The following SLC14A2 variants were observed in gnomAD, a reference collection of about 807,000 sequenced individuals.
SLC14A2 encodes solute carrier family 14 member 2, also known as urea transporter 2.
Under a neutral mutation model 104.6 loss-of-function variants are expected in SLC14A2, and 91 were observed. The ratio of observed to expected loss-of-function variants is 0.87; its 90% CI spans 0.73 to 1.04. The LOEUF (loss-of-function observed/expected upper bound fraction) is 1.04. Among genes scored for constraint, SLC14A2 ranks in the 50% least tolerant of loss-of-function variants. SLC14A2 has a pLI of 0.00. For synonymous variants in SLC14A2, 476 were observed against 466.4 expected (o/e 1.02, Z -0.27); for missense variants, 1,189 against 1,156.0 (o/e 1.03, Z -0.41).
chr18:45,192,260 G>A, the SLC14A2 span, among the ~76,000 whole-genome samples: 1 of 152,128 alleles, frequency 6.6e-6, no homozygotes, highest in Non-Finnish European at 1.5e-5. Context: ...CAGTTTTATG[G>A]AAGCCTAATT....
chr18:45,456,288 G>A (rs1273920272), intron 1 of SLC14A2, among the ~76,000 whole-genome samples: 1 of 152,184 alleles, frequency 6.6e-6, no homozygotes, highest in Non-Finnish European at 1.5e-5. Context: ...TCATAACTCA[G>A]AGCAGCACCA....
chr18:45,299,576 C>G (rs1228558973), intron 1 of SLC14A2, among the ~76,000 whole-genome samples: 2 of 152,224 alleles, frequency 1.3e-5, no homozygotes, highest in Non-Finnish European at 2.9e-5. Context: ...ATTCTCCTGC[C>G]TCAGTCTCCC....
intron 1 of SLC14A2, among the ~76,000 whole-genome samples, chr18:45,419,502 G>C (rs2030936148): frequency 6.6e-6 from 1 of 152,218 alleles, no homozygotes; most frequent in Admixed American, 6.5e-5. Flanking sequence ...GGTCGGGCGT[G>C]GTGGCTCATG....
At chr18:45,653,453 C>G (rs2045774647) in intron 10 of SLC14A2, among the ~76,000 whole-genome samples, 1 of 152,112 alleles carries the variant, frequency 6.6e-6, no homozygotes, top group African/African-American at 2.4e-5. Context: ...CTGCCTCACA[C>G]CCCACCACTG....
chr18:45,518,397 C>CTTCA (rs10589715), intron 2 of SLC14A2, among the ~76,000 whole-genome samples: 17,385 of 151,442 alleles, frequency 0.11, 1,678 homozygotes, highest in African/African-American at 0.26. Context: ...TAGCATTTGT[C>CTTCA]TTCATTCATT....
Position 45,453,794 on chromosome 18 carries a change from C to T in SLC14A2, c.-124-29439C>T, listed in dbSNP as rs530249406. 5.7e-4 allele frequency among the ~76,000 whole-genome samples: 86 copies of T among 151,558 alleles called. 4 individuals are homozygous for T. Among genetic ancestry groups the T allele is most frequent in the Non-Finnish European group, 1.5e-4 (10 of 67,918 alleles). Reference sequence around the variant, plus strand: ...AGTGCCTCCCTTACTGAAACCTGCCCTCTCCCTCAACCAAAATTCCCATAG... The same window carrying T: ...AGTGCCTCCCTTACTGAAACCTGCCTTCTCCCTCAACCAAAATTCCCATAG... On this transcript the variant is annotated intron_variant, in intron 1 of 20. Transcript: ENST00000586448.
At chr18:45,412,606 A>C (rs1387713362) in intron 1 of SLC14A2, among the ~76,000 whole-genome samples, 1 of 151,996 alleles carries the variant, frequency 6.6e-6, no homozygotes, top group Non-Finnish European at 1.5e-5. Context: ...TGCCATGAGG[A>C]CCCCTTCTCT....
chr18:45,540,569 C>T lies in SLC14A2; in HGVS notation c.-35+57247C>T, dbSNP rs1394998931. On this transcript the variant is annotated intron_variant, in intron 2 of 20. Coordinates refer to the SLC14A2 transcript ENST00000586448. The stretch of plus-strand genomic sequence containing the variant: ...ACCGACCTGGCCAACATTGTGAGAC[C>T]TCATCTCTACTAAAAATACAAAAAA... Among the ~76,000 whole-genome samples, 4 of 151,982 alleles carry T rather than the reference C, an allele frequency of 2.6e-5. No homozygotes were observed. The East Asian group carries it at 7.7e-4, about 29-fold the overall frequency.
upstream of SLC14A2, among the ~76,000 whole-genome samples, chr18:45,613,764 C>T (rs1568298661): frequency 6.6e-6 from 1 of 152,176 alleles, no homozygotes; most frequent in Non-Finnish European, 1.5e-5. Flanking sequence ...AAGAGGTGAC[C>T]TCGGTGCTCT....
intron 2 of SLC14A2, among the ~76,000 whole-genome samples, chr18:45,517,123 G>A (rs550872067): frequency 8.5e-5 from 13 of 152,290 alleles, no homozygotes; most frequent in Non-Finnish European, 1.3e-4. Context: ...ACAACTCACC[G>A]AAGGACACAG....
At chr18:45,487,735 C>A (rs188800853) in intron 2 of SLC14A2, among the ~76,000 whole-genome samples, 1 of 152,234 alleles carries the variant, frequency 6.6e-6, no homozygotes, top group Admixed American at 6.5e-5. Context: ...GTCCAGCTGA[C>A]CCCTTGGGGA....
At chr18:45,541,604 C>G (rs899863973) in intron 2 of SLC14A2, among the ~76,000 whole-genome samples, 2 of 152,222 alleles carry the variant, frequency 1.3e-5, no homozygotes, top group African/African-American at 2.4e-5. Context: ...TAAAATGTAA[C>G]TAGGAAGATA....
chr18:45,306,106 C>T (rs2085018656), intron 1 of SLC14A2, among the ~76,000 whole-genome samples: 1 of 152,084 alleles, frequency 6.6e-6, no homozygotes, highest in Non-Finnish European at 1.5e-5. Flanking sequence ...CCGTCTACTC[C>T]CTTATCAGTA....
chr18:45,587,833 C>T (rs376489476), intron 2 of SLC14A2, among the ~76,000 whole-genome samples: 17 of 152,046 alleles, frequency 1.1e-4, no homozygotes, highest in Non-Finnish European at 2.1e-4. Context: ...TCTGCTATAT[C>T]GGTGTTGAAA....
chr18:45,235,835 GTA>G lies in SLC14A2; in HGVS notation c.-125+22654_-125+22655del, dbSNP rs144101578. On this transcript the variant is annotated intron_variant, in intron 1 of 20. Transcript: ENST00000586448. Reference sequence around the variant, plus strand: ...TGTGTATATATATATATATATACGTGTATATATATATGTATATATACATATAT... The same window carrying G: ...TGTGTATATATATATATATATACGTGTATATATATGTATATATACATATAT... Among the ~76,000 whole-genome samples, 834 of 97,330 alleles carry G rather than the reference GTA, an allele frequency of 8.6e-3. 127 individuals are homozygous for G. The highest frequency in any genetic ancestry group is 0.012 in the Non-Finnish European group (582 of 48,970). The allele number at this position is 97,330 out of a possible 152,430, so 63.9% of individuals were successfully genotyped here.
intron 1 of SLC14A2, among the ~76,000 whole-genome samples, chr18:45,331,153 C>T (rs960931000): frequency 3.9e-5 from 6 of 152,162 alleles, no homozygotes; most frequent in Admixed American, 2.6e-4. Flanking sequence ...AGTACTGCAT[C>T]GATGTTCAGG....
intron 1 of SLC14A2, among the ~76,000 whole-genome samples, chr18:45,217,709 T>C (rs1021047979): frequency 1.3e-5 from 2 of 152,220 alleles, no homozygotes; most frequent in African/African-American, 4.8e-5. Context: ...ATTTTGTGTT[T>C]TATATTTCTG....
intron 1 of SLC14A2, among the ~76,000 whole-genome samples, chr18:45,249,610 TC>T (rs2084401993): frequency 6.6e-6 from 1 of 152,178 alleles, no homozygotes; most frequent in East Asian, 1.9e-4. Flanking sequence ...TCTCCTTACA[TC>T]CAGGCACAAC....
At chr18:45,353,012 G>T (rs1325335257) in intron 1 of SLC14A2, among the ~76,000 whole-genome samples, 1 of 152,172 alleles carries the variant, frequency 6.6e-6, no homozygotes, top group Non-Finnish European at 1.5e-5. Context: ...TTGGTTACAG[G>T]TTGGCCTTTG....
Sources: gnomAD v4.1 joint callset for allele counts (sites outside exome capture counted in the v4.1 genomes callset) on GRCh38, gnomAD v4.1.1 for gene constraint, MANE v1.5 for transcripts, NCBI Gene and HGNC (gene_info 2026-07-23, HGNC 2026-07-21) for gene names.